The following SLIT3 variants were observed in gnomAD, a reference collection of about 807,000 sequenced individuals.
SLIT3 encodes the protein slit guidance ligand 3, also known as slit homolog 3 protein.
In SLIT3, 68 loss-of-function variants were observed where a neutral mutation model predicts 184.0. The observed-to-expected ratio is 0.37, with a 90% confidence interval of 0.30 to 0.45. The LOEUF is 0.45. Among genes scored for constraint, SLIT3 ranks in the 20% least tolerant of loss-of-function variants. The pLI, the probability that SLIT3 is intolerant of heterozygous loss-of-function variation, is 1.00. For missense variants in SLIT3, 1,707 were observed against 2,026.0 expected (o/e 0.84, Z 3.02); for synonymous variants, 831 against 828.6 (o/e 1.00, Z -0.05).
At chr5:168,873,885 G>C (rs956500852) in intron 5 of SLIT3, among the ~76,000 whole-genome samples, 4 of 151,824 alleles carry the variant, frequency 2.6e-5, no homozygotes, top group Non-Finnish European at 5.9e-5. Flanking sequence ...TAAAGAATCA[G>C]AACATCAACG....
intron 4 of SLIT3, among the ~76,000 whole-genome samples, chr5:168,893,495 G>C (rs1445033996): frequency 6.6e-6 from 1 of 152,160 alleles, no homozygotes; most frequent in Non-Finnish European, 1.5e-5. Context: ...GCAGGGGAAG[G>C]CAGGGGGAGG....
chr5:169,084,873 A>G (rs1227394703), intron 4 of SLIT3, among the ~76,000 whole-genome samples: 1 of 151,922 alleles, frequency 6.6e-6, no homozygotes, highest in Non-Finnish European at 1.5e-5. Flanking sequence ...CCTTTTCCTA[A>G]TCCACACAAA....
At chr5:169,095,537 G>A (rs962003240) in intron 4 of SLIT3, among the ~76,000 whole-genome samples, 7 of 150,718 alleles carry the variant, frequency 4.6e-5, no homozygotes, top group South Asian at 2.1e-4. Context: ...AGGCCAGACC[G>A]AGGCTGGGGC....
At chr5:168,907,679 A>G (rs1761097835) in intron 4 of SLIT3, among the ~76,000 whole-genome samples, 2 of 152,102 alleles carry the variant, frequency 1.3e-5, no homozygotes, top group Non-Finnish European at 2.9e-5. Context: ...TTTGGAAAAC[A>G]CAGGAAGCGT....
At chr5:168,785,477 C>T (rs1021837231) in intron 12 of SLIT3, among the ~76,000 whole-genome samples, 7 of 152,236 alleles carry the variant, frequency 4.6e-5, no homozygotes, top group Non-Finnish European at 7.3e-5. Context: ...TTCCCTCTGC[C>T]CCGACCCCTC....
chr5:169,091,337 T>C (rs1399398434), intron 4 of SLIT3, among the ~76,000 whole-genome samples: 1 of 152,166 alleles, frequency 6.6e-6, no homozygotes, highest in Non-Finnish European at 1.5e-5. Context: ...AAATGCAGTG[T>C]TTCCAACGGC....
chr5:169,099,029 C>T (rs1759904009), intron 4 of SLIT3, among the ~76,000 whole-genome samples: 1 of 152,006 alleles, frequency 6.6e-6, no homozygotes, highest in Non-Finnish European at 1.5e-5. Flanking sequence ...TGCCTGGTGG[C>T]TACATCTACC....
chr5:168,774,422 T>A (rs746805320), intron 12 of SLIT3, 44 bp from the exon 13 acceptor site: 1 of 1,570,742 alleles, frequency 6.4e-7, no homozygotes, highest in Non-Finnish European at 8.6e-7. Flanking sequence ...ATCCTGGTAA[T>A]TACCTGCGGG....
chr5:168,906,420 T>C (rs1013374448), intron 4 of SLIT3, among the ~76,000 whole-genome samples: 1 of 152,210 alleles, frequency 6.6e-6, no homozygotes, highest in African/African-American at 2.4e-5. Context: ...ATTATTGCTC[T>C]GGAAAAGAGT....
chr5:169,157,916 G>C (rs1762361416), intron 4 of SLIT3, among the ~76,000 whole-genome samples: 2 of 148,260 alleles, frequency 1.3e-5, no homozygotes, highest in Middle Eastern at 3.5e-3. Flanking sequence ...ATTGAGTGTA[G>C]AACAATAAAA....
At chr5:168,760,987 C>T (rs750484507) in intron 15 of SLIT3, 51 bp from the exon 16 acceptor site, 2 of 1,351,506 alleles carry the variant, frequency 1.5e-6, no homozygotes, top group Non-Finnish European at 2.1e-6. Context: ...GAGGCCCCTC[C>T]TTCCACCCCC....
chr5:169,277,501 G>A (rs1766849703), intron 1 of SLIT3, among the ~76,000 whole-genome samples: 1 of 152,222 alleles, frequency 6.6e-6, no homozygotes, highest in Non-Finnish European at 1.5e-5. Flanking sequence ...GCCTCCCAAA[G>A]TGCTGGGATT....
At position 168,671,490 on chromosome 5, in the gene SLIT3, G is replaced by A; in HGVS notation, c.3842-7C>T. 1 of 1,608,106 alleles carries A rather than the reference G, an allele frequency of 6.2e-7. No homozygotes were observed. Among genetic ancestry groups the A allele is most frequent in the Non-Finnish European group, 8.5e-7 (1 of 1,177,430 alleles). On this transcript the variant is annotated splice_region_variant and splice_polypyrimidine_tract_variant and intron_variant, in intron 33 of 35. Coordinates refer to ENST00000519560, the MANE Select transcript of SLIT3 (RefSeq NM_003062.4). ...CCGGTGGAGGTGGGGATGCCTGTGG[G>A]AGGGGAGCCAGGACAGTGGCCTGAA...
At chr5:168,856,408 A>G (rs1425172736) in intron 5 of SLIT3, among the ~76,000 whole-genome samples, 1 of 152,218 alleles carries the variant, frequency 6.6e-6, no homozygotes, top group Non-Finnish European at 1.5e-5. Flanking sequence ...GAGAAGAACT[A>G]CCTTGACATT....
intron 3 of SLIT3, among the ~76,000 whole-genome samples, chr5:169,229,931 C>A (rs995214425): frequency 2.6e-5 from 4 of 152,142 alleles, no homozygotes; most frequent in Non-Finnish European, 5.9e-5. Context: ...TACAGCCATT[C>A]TTCTCAATGA....
intron 20 of SLIT3, among the ~76,000 whole-genome samples, chr5:168,728,623 A>T (rs4256365): frequency 1.3e-5 from 2 of 152,146 alleles, no homozygotes; most frequent in African/African-American, 4.8e-5. Flanking sequence ...ATCTTAAAAA[A>T]AATAAAAAAG....
At chr5:168,964,888 G>A (rs1191960625) in intron 4 of SLIT3, among the ~76,000 whole-genome samples, 4 of 152,172 alleles carry the variant, frequency 2.6e-5, no homozygotes, top group African/African-American at 4.8e-5. Context: ...TACATTTCCA[G>A]TGAAGAAGGC....
chr5:168,739,417 CTTTT>C (rs947539556), intron 20 of SLIT3, among the ~76,000 whole-genome samples: 4 of 143,692 alleles, frequency 2.8e-5, no homozygotes, highest in Non-Finnish European at 4.5e-5. Context: ...CTTTTTCTTT[CTTTT>C]TATTCTTTTT....
intron 5 of SLIT3, among the ~76,000 whole-genome samples, chr5:168,881,404 T>G (rs1759947734): frequency 6.6e-6 from 1 of 152,224 alleles, no homozygotes; most frequent in African/African-American, 2.4e-5. Flanking sequence ...AAAAACATAG[T>G]CAGCAATTAA....
Sources: allele counts gnomAD v4.1 joint callset (sites outside exome capture counted in the v4.1 genomes callset), GRCh38; gene constraint gnomAD v4.1.1; transcripts MANE v1.5; gene names NCBI Gene and HGNC (gene_info 2026-07-23, HGNC 2026-07-21).